Variants in PRELID2 observed in about 807,000 individuals in gnomAD.
The protein encoded by PRELID2 is PRELI domain-containing protein 2.
Under a neutral mutation model 28.4 loss-of-function variants are expected in PRELID2, and 25 were observed. The observed-to-expected ratio is 0.88, with a 90% CI of 0.64 to 1.23. PRELID2 has a LOEUF of 1.23. Ranked by LOEUF, PRELID2 falls within the 50% of genes most tolerant of loss-of-function variation. PRELID2 has a pLI of 0.00. For synonymous variants in PRELID2, 76 were observed against 71.6 expected, an observed-to-expected ratio of 1.06 and a Z score of -0.31; for missense variants, 201 against 214.4, an observed-to-expected ratio of 0.94 and a Z score of 0.39.
At chr5:145,767,585 G>C (rs1757845019) in intron 5 of PRELID2, among the ~76,000 whole-genome samples, 1 of 152,186 alleles carries the variant, frequency 6.6e-6, no homozygotes, top group Non-Finnish European at 1.5e-5. Flanking sequence ...GCAACCTCTA[G>C]ATGCTTCCAT....
At chr5:145,443,012 G>T in the PRELID2 span, among the ~76,000 whole-genome samples, 1 of 151,936 alleles carries the variant, frequency 6.6e-6, no homozygotes, top group Non-Finnish European at 1.5e-5. Context: ...CCATGTGTCC[G>T]TTTATAGGCT....
chr5:145,501,682 C>T (rs894368267), intron 1 of PRELID2, among the ~76,000 whole-genome samples: 22 of 152,098 alleles, frequency 1.4e-4, no homozygotes, highest in African/African-American at 5.3e-4. Flanking sequence ...TCCATTAAAC[C>T]TCTTTTTCTT....
intron 1 of PRELID2, among the ~76,000 whole-genome samples, chr5:145,539,222 A>G (rs1752727351): frequency 1.3e-5 from 2 of 152,158 alleles, no homozygotes; most frequent in East Asian, 1.9e-4. Flanking sequence ...ATTTATTACC[A>G]GCTATTAACT....
At chr5:145,549,845 G>C (rs1207342387) in intron 1 of PRELID2, among the ~76,000 whole-genome samples, 1 of 150,892 alleles carries the variant, frequency 6.6e-6, no homozygotes, top group African/African-American at 2.4e-5. Context: ...TATAACTTTA[G>C]AGCTTATAAA....
At chr5:145,819,431 C>A (rs1469441417) in intron 3 of PRELID2, 1 of 1,558,774 alleles carries the variant, frequency 6.4e-7, no homozygotes. Context: ...AGAGAGAAAA[C>A]AATTTGCTAT....
chr5:145,358,524 C>T, the PRELID2 span, among the ~76,000 whole-genome samples: 1 of 152,054 alleles, frequency 6.6e-6, no homozygotes, highest in Non-Finnish European at 1.5e-5. Context: ...CAGAGAAAGA[C>T]AGGATACAGT....
the PRELID2 span, among the ~76,000 whole-genome samples, chr5:145,417,923 AG>A: frequency 1.3e-5 from 2 of 152,212 alleles, no homozygotes; most frequent in Admixed American, 6.5e-5. Flanking sequence ...AAAGAAATAA[AG>A]GGTATTCAAA....
At position 145,783,516 on chromosome 5, in the gene PRELID2, A is replaced by G. The variant is rs910835488; in HGVS notation, c.474+12926T>C. ...TACCTGGTCTAGAAATAAGCTGTTA[A>G]AAATCAGAATTCTTGGTAATATTCT... On this transcript the variant is annotated intron_variant, in intron 5 of 6. Transcript: ENST00000683046. Among the ~76,000 whole-genome samples, 6 of 152,232 alleles carry G rather than the reference A, an allele frequency of 3.9e-5. No individual in the cohort carries two copies. The East Asian group carries it at 7.7e-4, about 20-fold the overall frequency.
At chr5:145,314,504 G>A in the PRELID2 span, among the ~76,000 whole-genome samples, 1 of 152,024 alleles carries the variant, frequency 6.6e-6, no homozygotes, top group African/African-American at 2.4e-5. Context: ...TTATAATAGT[G>A]TGGAAAATTT....
At chr5:145,621,014 C>A (rs1753767006) in intron 1 of PRELID2, among the ~76,000 whole-genome samples, 1 of 152,088 alleles carries the variant, frequency 6.6e-6, no homozygotes, top group Non-Finnish European at 1.5e-5. Context: ...GAAAAACTAA[C>A]TGCCAAAAAT....
Position 145,572,308 on chromosome 5 carries a change from C to T in PRELID2, n.71-98993G>A, listed in dbSNP as rs955778232. Among the ~76,000 whole-genome samples, 6 of 152,166 alleles carry T rather than the reference C, an allele frequency of 3.9e-5. No homozygotes were observed. The East Asian group carries it at 9.6e-4, about 24-fold the overall frequency. ...ATAAATCTAACCTGTACTCTGATGA[C>T]CTTGGGTGTATGTTCCCAGGATCTC... is the stretch of plus-strand genomic sequence containing the variant. On this transcript the variant is annotated intron_variant and non_coding_transcript_variant, in intron 1 of 2. Coordinates refer to the PRELID2 transcript ENST00000510259.
chr5:145,423,010 G>A, the PRELID2 span, among the ~76,000 whole-genome samples: 1 of 146,358 alleles, frequency 6.8e-6, no homozygotes. Flanking sequence ...AGTTTGGCTG[G>A]ATATGAAATT....
chr5:145,475,840 G>A (rs943465619), intron 1 of PRELID2, among the ~76,000 whole-genome samples: 1 of 151,998 alleles, frequency 6.6e-6, no homozygotes, highest in Non-Finnish European at 1.5e-5. Flanking sequence ...CTGTTCATAC[G>A]TTAATAGGTG....
the PRELID2 span, among the ~76,000 whole-genome samples, chr5:145,319,562 TCAGGAGGCTGAGG>T: frequency 6.6e-6 from 1 of 152,012 alleles, no homozygotes; most frequent in Admixed American, 6.6e-5. Context: ...TCCCAGCTAT[TCAGGAGGCTGAGG>T]CAGGAGAATC....
At chr5:145,546,449 C>A (rs1029546700) in intron 1 of PRELID2, among the ~76,000 whole-genome samples, 7 of 152,060 alleles carry the variant, frequency 4.6e-5, no homozygotes, top group African/African-American at 1.7e-4. Flanking sequence ...ATACATATGC[C>A]CCCTTCCAAG....
intron 1 of PRELID2, among the ~76,000 whole-genome samples, chr5:145,573,540 AC>A (rs1207639218): frequency 1.3e-5 from 2 of 151,342 alleles, no homozygotes; most frequent in African/African-American, 4.9e-5. Context: ...GATGTTCCCC[AC>A]CCTTGTGTCC....
the PRELID2 span, among the ~76,000 whole-genome samples, chr5:145,357,910 G>GA: frequency 7.3e-6 from 1 of 136,656 alleles, no homozygotes; most frequent in Admixed American, 7.4e-5. Context: ...CTGTCCCTTG[G>GA]ATTTTTTTTT....
chr5:145,592,068 GC>G (rs1283051181), intron 1 of PRELID2, among the ~76,000 whole-genome samples: 1 of 152,108 alleles, frequency 6.6e-6, no homozygotes, highest in Non-Finnish European at 1.5e-5. Context: ...CTTAAATGCA[GC>G]ATGAGTTGTA....
intron 1 of PRELID2, among the ~76,000 whole-genome samples, chr5:145,609,602 G>A (rs953594275): frequency 3.9e-5 from 6 of 152,246 alleles, no homozygotes; most frequent in Non-Finnish European, 8.8e-5. Context: ...AAGTGGGACT[G>A]CTGGGTTGAA....
Sources: gnomAD v4.1 joint callset for allele counts (sites outside exome capture counted in the v4.1 genomes callset) on GRCh38, gnomAD v4.1.1 for gene constraint, MANE v1.5 for transcripts, NCBI Gene and HGNC (gene_info 2026-07-23, HGNC 2026-07-21) for gene names.